Variants in ZNF26 observed in about 807,000 individuals in gnomAD.
The protein encoded by ZNF26 is epididymis luminal protein 179.
Under a neutral mutation model 54.9 loss-of-function variants are expected in ZNF26, and 32 were observed. The observed-to-expected ratio is 0.58, with a 90% confidence interval of 0.44 to 0.78. The LOEUF (loss-of-function observed/expected upper bound fraction) is 0.78. Among genes scored for constraint, ZNF26 ranks in the 30% least tolerant of loss-of-function variants. The probability of loss-of-function intolerance (pLI) is 0.00; values close to 1 mark genes in which losing one functional copy is unlikely to be tolerated. For synonymous variants in ZNF26, 221 were observed against 209.2 expected (o/e 1.06, Z -0.49); for missense variants, 524 against 634.0 (o/e 0.83, Z 1.86).
chr12:133,008,990 A>C (rs1953407174), intron 3 of ZNF26, among the ~76,000 whole-genome samples: 1 of 151,896 alleles, frequency 6.6e-6, no homozygotes, highest in Non-Finnish European at 1.5e-5. Flanking sequence ...TGTGCCACAT[A>C]CTATCAAATG....
intron 1 of ZNF26, among the ~76,000 whole-genome samples, chr12:133,000,305 T>G (rs1186196343): frequency 6.6e-6 from 1 of 151,892 alleles, no homozygotes; most frequent in Admixed American, 6.6e-5. Context: ...CAGGCTGGAG[T>G]GTAGTGGCAC....
chr12:133,010,557 A>G lies in ZNF26; in HGVS notation c.678A>G (p.Gly226=). The change falls in exon 4 of 4, where the codon GGA becomes GGG. Residue 226 remains glycine, a synonymous_variant. Transcript: ENST00000328654. ...ATGCTCATCAGAGAGTTCATACAGGAGAAAAACCCTACTCATGTAGTGAGT... is the reference window on the plus strand; with the variant it reads ...ATGCTCATCAGAGAGTTCATACAGGGGAAAAACCCTACTCATGTAGTGAGT... ...NLNAHQRVHT[G]EKPYSCSECE... 6.2e-7 allele frequency: 1 copy of G among 1,614,204 alleles called. No homozygotes were observed. Among genetic ancestry groups the G allele is most frequent in the Non-Finnish European group, 8.5e-7 (1 of 1,180,034 alleles).
chr12:132,989,060 A>G (rs1952891228), intron 1 of ZNF26, among the ~76,000 whole-genome samples: 1 of 75,470 alleles, frequency 1.3e-5, no homozygotes, highest in African/African-American at 4.3e-5. Flanking sequence ...TTTTTTTGAG[A>G]CAGAGTCTCG....
Position 133,014,222 on chromosome 12 carries a change from C to T in ZNF26, c.*2741C>T, listed in dbSNP as rs1212986019. On this transcript the variant is annotated 3_prime_UTR_variant, in exon 4 of 4. Coordinates refer to ENST00000328654, the MANE Select transcript of ZNF26 (RefSeq NM_019591.4). Reference sequence around the variant, plus strand: ...ATCAAAACTTCTCAGCATGACAACACCCAGGGCAACGTGACAAAACCCTGT... The same window carrying T: ...ATCAAAACTTCTCAGCATGACAACATCCAGGGCAACGTGACAAAACCCTGT... 2 of 152,200 alleles carry T rather than the reference C, an allele frequency of 1.3e-5. No individual in the cohort carries two copies. The highest frequency in any genetic ancestry group is 2.9e-5 in the Non-Finnish European group (2 of 68,062). The allele number at this position is 152,200 out of a possible 1,614,324, so 9.4% of individuals were successfully genotyped here. A position where few individuals can be genotyped will look rare whatever the true frequency, so the allele number is the denominator to read the frequency against.
In ZNF26 at chr12:133,017,803, G is replaced by A. The variant is rs12582760; in HGVS notation, c.*6322G>A. ...GGTGGGCGGATCACAAGGTCTGGAG[G>A]TCAAGACCATCCTCACTAACATGGT... On this transcript the variant is annotated 3_prime_UTR_variant, in exon 4 of 4. Coordinates refer to ENST00000328654, the MANE Select transcript of ZNF26 (RefSeq NM_019591.4). 14,782 of 152,232 alleles carry A rather than the reference G, an allele frequency of 0.097. 724 individuals are homozygous for A. The highest frequency in any genetic ancestry group is 0.15 in the South Asian group (708 of 4,820). 9.4% of individuals were successfully genotyped at this position (152,232 alleles called of 1,614,324 possible).
rs1952820164 is a variant in ZNF26, at chr12:132,986,472, G to A, written c.-369G>A. The stretch of plus-strand genomic sequence containing the variant: ...TACCTGGCTGAGTCTCTGTGGCCGC[G>A]GAGGCGCGGAGCTAAGCGGCTCGGA... On this transcript the variant is annotated 5_prime_UTR_variant, in exon 1 of 4. Transcript: ENST00000328654. 4 of 258,948 alleles carry A rather than the reference G, an allele frequency of 1.5e-5. No individual in the cohort carries two copies. Among genetic ancestry groups the A allele is most frequent in the Non-Finnish European group, 2.2e-5 (3 of 133,804 alleles). The allele number at this position is 258,948 out of a possible 1,614,324, so 16.0% of individuals were successfully genotyped here. A position where few individuals can be genotyped will look rare whatever the true frequency, so the allele number is the denominator to read the frequency against.
chr12:132,986,979 G>A (rs2137200442), intron 1 of ZNF26, 106 bp downstream of exon 1: 1 of 1,306,794 alleles, frequency 7.7e-7, no homozygotes, highest in East Asian at 2.5e-5. Flanking sequence ...AGCTGTAATT[G>A]TGTGCGTAGT....
At position 133,001,688 on chromosome 12, in the gene ZNF26, T is replaced by A; in HGVS notation, c.34-5354T>A. On this transcript the variant is annotated intron_variant, in intron 1 of 3. Transcript: ENST00000328654. This position sits in a 1 kb window ranked among gnomAD's most constrained non-coding sequence, Gnocchi z 4.7. ...AGCTCAAGTGTCAAGTTCGGGAATC[T>A]TCTGGGTGTTCCTTGGGCCCAGGGA... The A allele has an allele frequency of 7.8e-7, 1 of 1,289,186 alleles. No individual in the cohort carries two copies. The highest frequency in any genetic ancestry group is 1.2e-5 in the South Asian group (1 of 81,018). 79.9% of individuals were successfully genotyped at this position (1,289,186 alleles called of 1,614,324 possible). A position where few individuals can be genotyped will look rare whatever the true frequency, so the allele number is the denominator to read the frequency against.
chr12:133,006,977 T>C, intron 1 of ZNF26, 65 bp from the exon 2 acceptor site: 1 of 1,583,432 alleles, frequency 6.3e-7, no homozygotes, highest in Non-Finnish European at 8.7e-7. Flanking sequence ...TCCCAGTTCC[T>C]CTGCATCTTT....
chr12:133,002,771 A>G (rs7134661), intron 1 of ZNF26, among the ~76,000 whole-genome samples: 136,424 of 151,880 alleles, frequency 0.9, 62,047 homozygotes, highest in East Asian at 1. Context: ...TTGCAGGTGT[A>G]CACCAGCATG....
chr12:132,986,730 G>T lies in ZNF26; in HGVS notation c.-111G>T. On this transcript the variant is annotated 5_prime_UTR_variant, in exon 1 of 4. Transcript: ENST00000328654. ...AACGACTCGGCCCCGGGACGGTCAG[G>T]AGCCTGGGGCCCTGGTCCCGCACCT... 8.0e-7 allele frequency: 1 copy of T among 1,250,674 alleles called. No homozygotes were observed. 77.5% of individuals were successfully genotyped at this position (1,250,674 alleles called of 1,614,324 possible).
chr12:132,986,638 G>C lies in ZNF26; in HGVS notation c.-203G>C, dbSNP rs1367286552. 3 of 600,382 alleles carry C rather than the reference G, an allele frequency of 5.0e-6. No homozygotes were observed. In the East Asian group the frequency reaches 8.3e-5, roughly 17 times the overall value. The allele number at this position is 600,382 out of a possible 1,614,324, so 37.2% of individuals were successfully genotyped here. A position where few individuals can be genotyped will look rare whatever the true frequency, so the allele number is the denominator to read the frequency against. ...CCATCCGTGCGACTCCTGGTACCCA[G>C]ACCGGGAGGTTGTCTAGTCACGCGC... On this transcript the variant is annotated 5_prime_UTR_variant, in exon 1 of 4. Transcript: ENST00000328654.
Position 133,010,134 on chromosome 12 carries a change from A to G in ZNF26, c.257-2A>G. The G allele has an allele frequency of 6.3e-7, 1 of 1,575,994 alleles. No individual in the cohort carries two copies. The highest frequency in any genetic ancestry group is 2.1e-5 in the Admixed American group (1 of 48,266). ...AGTTATATTTTGTTTGTTTTTTTGT[A>G]GATGGCTGGGAAGAATGGTACCAGA... On this transcript the variant is annotated splice_acceptor_variant, in intron 3 of 3. Transcript: ENST00000328654. LOFTEE classifies it high-confidence loss of function.
In ZNF26 at chr12:132,995,563, G is replaced by T. The variant is rs554761948; in HGVS notation, c.33+8690G>T. Among the ~76,000 whole-genome samples, 16 of 151,912 alleles carry T rather than the reference G, an allele frequency of 1.1e-4. No homozygotes were observed. The South Asian group carries it at 3.1e-3, about 30-fold the overall frequency. ...TATCAATTATCTGCCTATTCCTTTT[G>T]TCAGTCATATTTTCCTGCCTCATGT... On this transcript the variant is annotated intron_variant, in intron 1 of 3. Coordinates refer to ENST00000328654, the MANE Select transcript of ZNF26 (RefSeq NM_019591.4).
rs199911715 is a variant in ZNF26 at position 133,021,187 on chromosome 12, C to T, written c.*9706C>T. On this transcript the variant is annotated 3_prime_UTR_variant, in exon 4 of 4. Transcript: ENST00000328654. ...AGGTTGAAGTGCAGTGGCACCGTGTCGGCTCACTGCAACCTCTGCCTCCCG... is the reference window on the plus strand; with the variant it reads ...AGGTTGAAGTGCAGTGGCACCGTGTTGGCTCACTGCAACCTCTGCCTCCCG... 18,400 of 147,908 alleles carry T rather than the reference C, an allele frequency of 0.12. 1,361 individuals are homozygous for T. The highest frequency in any genetic ancestry group is 0.22 in the South Asian group (1,015 of 4,662). The allele number at this position is 147,908 out of a possible 1,614,324, so 9.2% of individuals were successfully genotyped here.
intron 3 of ZNF26, among the ~76,000 whole-genome samples, chr12:133,009,436 A>T (rs952675685): frequency 6.6e-6 from 1 of 152,068 alleles, no homozygotes; most frequent in Non-Finnish European, 1.5e-5. Flanking sequence ...TACTAAAAAT[A>T]CAAAAATTAG....
chr12:133,006,074 T>A, intron 1 of ZNF26: 1 of 985,344 alleles, frequency 1.0e-6, no homozygotes, highest in Non-Finnish European at 1.2e-6. Context: ...AGTTTTTCAG[T>A]TGGGCATATA....
intron 3 of ZNF26, 52 bp downstream of exon 3, chr12:133,007,584 T>C (rs1195478798): frequency 8.3e-6 from 11 of 1,329,190 alleles, no homozygotes; most frequent in Non-Finnish European, 1.2e-5. Context: ...AGCTGATGAG[T>C]ACCTGAGGAG....
rs1008548457 is a variant in ZNF26 at position 133,019,127 on chromosome 12, T to G, written c.*7646T>G. ...TTTAAAACAAAAGTTTTACTAGAGA[T>G]AAAGAAAAGTATTTTGTAAAGATAA... is the stretch of plus-strand genomic sequence containing the variant. On this transcript the variant is annotated 3_prime_UTR_variant, in exon 4 of 4. Coordinates refer to ENST00000328654, the MANE Select transcript of ZNF26 (RefSeq NM_019591.4). 6.6e-6 allele frequency: 1 copy of G among 152,032 alleles called. No homozygotes were observed. Among genetic ancestry groups the G allele is most frequent in the Non-Finnish European group, 1.5e-5 (1 of 68,008 alleles). 9.4% of individuals were successfully genotyped at this position (152,032 alleles called of 1,614,324 possible). A position where few individuals can be genotyped will look rare whatever the true frequency, so the allele number is the denominator to read the frequency against.
Sources: allele counts gnomAD v4.1 joint callset (sites outside exome capture counted in the v4.1 genomes callset), GRCh38; gene constraint gnomAD v4.1.1; non-coding constraint Gnocchi (gnomAD v3.1); transcripts MANE v1.5; gene names NCBI Gene and HGNC (gene_info 2026-07-23, HGNC 2026-07-21).